MRPL46: variants seen among roughly 807,000 people sequenced by gnomAD.
MRPL46 encodes the protein large ribosomal subunit protein mL46.
Under a neutral mutation model 31.0 loss-of-function variants are expected in MRPL46, and 26 were observed. The observed-to-expected ratio is 0.84, with a 90% CI of 0.61 to 1.16. The LOEUF (loss-of-function observed/expected upper bound fraction) is 1.16, where lower values mean the gene tolerates loss of function less well. Ranked by LOEUF, MRPL46 falls within the 50% of genes most tolerant of loss-of-function variation. MRPL46 has a pLI of 0.00. For synonymous variants in MRPL46, 159 were observed against 141.3 expected, an observed-to-expected ratio of 1.13 and a Z score of -0.89; for missense variants, 395 against 340.0, an observed-to-expected ratio of 1.16 and a Z score of -1.27.
intron 3 of MRPL46, chr15:88,462,864 T>G (rs894137785): frequency 6.6e-6 from 1 of 152,262 alleles, no homozygotes; most frequent in Non-Finnish European, 1.5e-5. Context: ...GTCAATACAC[T>G]ATTTTATATG....
At chr15:88,465,435 A>C (rs887337275) in intron 2 of MRPL46, 152 bp downstream of exon 2, 2 of 774,970 alleles carry the variant, frequency 2.6e-6, no homozygotes, top group Middle Eastern at 2.7e-4. Context: ...CAGACTTTTT[A>C]AGTCGTATTA....
intron 2 of MRPL46, chr15:88,465,146 C>A: frequency 2.3e-6 from 1 of 431,094 alleles, no homozygotes; most frequent in Non-Finnish European, 4.0e-6. Context: ...AATGATCATA[C>A]TAATTCAAAC....
At chr15:88,465,120 T>C in intron 2 of MRPL46, 1 of 438,782 alleles carries the variant, frequency 2.3e-6, no homozygotes, top group Non-Finnish European at 4.0e-6. Context: ...ATATTTTGAG[T>C]CTTCAAAAAA....
intron 3 of MRPL46, chr15:88,461,413 A>G (rs920700432): frequency 4.6e-5 from 7 of 152,164 alleles, no homozygotes; most frequent in African/African-American, 7.2e-5. Flanking sequence ...ATGAGGAAAA[A>G]AAACAACAAA....
intron 2 of MRPL46, chr15:88,465,254 C>T: frequency 2.4e-6 from 1 of 420,344 alleles, no homozygotes; most frequent in East Asian, 3.5e-5. Context: ...AAACAGAACT[C>T]AATCTCCCGC....
chr15:88,467,170 T>C lies in MRPL46; in HGVS notation c.208A>G (p.Met70Val), dbSNP rs1168411193. Reference sequence around the variant, plus strand: ...CCCACCTGCTGCAGTAGAGACGCCATCTCTTCCTGCAATGGGGTCAACGGC... The same window carrying C: ...CCCACCTGCTGCAGTAGAGACGCCACCTCTTCCTGCAATGGGGTCAACGGC... Reference protein sequence around the residue: ...SKPLTPLQEEMASLLQQIEIE... With the variant: ...SKPLTPLQEEVASLLQQIEIE... Residue 70 changes from methionine to valine, a missense_variant, in exon 1 of 4, where the codon ATG (methionine) becomes GTG (valine). By Grantham distance (21) the Met-to-Val change is conservative. Coordinates refer to ENST00000312475, the MANE Select transcript of MRPL46 (RefSeq NM_022163.4). 1 of 1,614,014 alleles carries C rather than the reference T, an allele frequency of 6.2e-7. No homozygotes were observed.
Position 88,459,804 on chromosome 15 carries a change from A to G in MRPL46, c.649T>C (p.Phe217Leu). The change falls in exon 4 of 4, where the codon TTC becomes CTC. Residue 217 changes from phenylalanine to leucine, a missense_variant. Transcript: ENST00000312475. ...CTCTCTGTCCGCATTGCCTGGGGGA[A>G]CTTGAATGTGTAGTGCCCACAGGGT... ...NAPCGHYTFK[F>L]PQAMRTESNL... 6.2e-7 allele frequency: 1 copy of G among 1,614,210 alleles called. No individual in the cohort carries two copies. Among genetic ancestry groups the G allele is most frequent in the Non-Finnish European group, 8.5e-7 (1 of 1,180,040 alleles).
chr15:88,466,541 T>C (rs568782145), intron 1 of MRPL46, among the ~76,000 whole-genome samples: 3 of 152,276 alleles, frequency 2.0e-5, no homozygotes, highest in African/African-American at 7.2e-5. Flanking sequence ...GTAGGTTGAG[T>C]AACAAATATT....
At chr15:88,465,467 A>G in intron 2 of MRPL46, 120 bp downstream of exon 2, 2 of 1,111,260 alleles carry the variant, frequency 1.8e-6, no homozygotes, top group Admixed American at 6.0e-5. Context: ...AGCAACAAAG[A>G]AAAGAATATG....
chr15:88,461,219 A>G (rs1393250299), intron 3 of MRPL46: 3 of 152,250 alleles, frequency 2.0e-5, no homozygotes, highest in Non-Finnish European at 2.9e-5. Flanking sequence ...AGTCAAAGAC[A>G]AAATGACAAA....
rs148181075 is a variant in MRPL46, at chr15:88,465,263, G to A, written c.415+324C>T. The A allele has an allele frequency of 2.5e-3, 1,075 of 422,136 alleles. 3 individuals carry two copies. Among genetic ancestry groups the A allele is most frequent in the Non-Finnish European group, 3.5e-3 (842 of 241,424 alleles). The allele number at this position is 422,136 out of a possible 1,614,324, so 26.1% of individuals were successfully genotyped here. On this transcript the variant is annotated intron_variant, in intron 2 of 3. Transcript: ENST00000312475. Reference sequence around the variant, plus strand: ...CAAGGAAAACAGAACTCAATCTCCCGCTTTAAGAGGGATTTCACATAAAAC... The same window carrying A: ...CAAGGAAAACAGAACTCAATCTCCCACTTTAAGAGGGATTTCACATAAAAC...
intron 3 of MRPL46, chr15:88,461,880 T>C (rs1159197161): frequency 6.6e-6 from 1 of 152,200 alleles, no homozygotes; most frequent in African/African-American, 2.4e-5. Context: ...TAAAAAAAGC[T>C]TAAGATAGGT....
intron 3 of MRPL46, chr15:88,460,397 A>G (rs1401890217): frequency 6.4e-6 from 1 of 156,132 alleles, no homozygotes; most frequent in Non-Finnish European, 1.4e-5. Context: ...AAAGCATTAA[A>G]AAGGACCCCA....
At chr15:88,461,628 A>C (rs2055478219) in intron 3 of MRPL46, 2 of 152,250 alleles carry the variant, frequency 1.3e-5, no homozygotes, top group South Asian at 4.1e-4. Flanking sequence ...GTACTTTCAC[A>C]CATATTTTGG....
rs570537684 is a variant in MRPL46 at position 88,467,289 on chromosome 15, C to A, written c.89G>T (p.Arg30Leu). Reference protein sequence around the residue: ...ERLWAGSLSSRSLALAAAPSS... With the variant: ...ERLWAGSLSSLSLALAAAPSS... ...GGGTGCGGCTGCAAGAGCCAGGCTG[C>A]GAGAGCTTAGACTGCCGGCCCAGAG... The change falls in exon 1 of 4, where the codon CGC (arginine) becomes CTC (leucine). Residue 30 changes from arginine to leucine, a missense_variant. Coordinates refer to ENST00000312475, the MANE Select transcript of MRPL46 (RefSeq NM_022163.4). 9.9e-6 allele frequency: 16 copies of A among 1,613,126 alleles called. No individual in the cohort carries two copies. The highest frequency in any genetic ancestry group is 4.0e-5 in the African/African-American group (3 of 75,024).
At position 88,465,595 on chromosome 15, in the gene MRPL46, C is replaced by A. The variant is rs755678536; in HGVS notation, c.407G>T (p.Arg136Leu). 1.2e-6 allele frequency: 2 copies of A among 1,602,040 alleles called. No homozygotes were observed. The highest frequency in any genetic ancestry group is 1.1e-5 in the South Asian group (1 of 88,848). Reference sequence around the variant, plus strand: ...CCTAAAAGGATCACAACCTGTTATGCGAGCTCCAAGTTTGAACTGTAGAAA... The same window carrying A: ...CCTAAAAGGATCACAACCTGTTATGAGAGCTCCAAGTTTGAACTGTAGAAA... ...QKFLQFKLGA[R>L]ITEADEKNDR... Residue 136 changes from arginine (R) to leucine (L), a missense_variant, in exon 2 of 4, where the codon CGC (arginine) becomes CTC (leucine). Transcript: ENST00000312475.
chr15:88,466,475 G>A (rs773624699), intron 1 of MRPL46, among the ~76,000 whole-genome samples: 1 of 152,180 alleles, frequency 6.6e-6, no homozygotes, highest in Non-Finnish European at 1.5e-5. Context: ...ATTCATTACA[G>A]CATCTCTATC....
chr15:88,459,551 C>A lies in MRPL46; in HGVS notation c.*62G>T. The A allele has an allele frequency of 1.9e-6, 3 of 1,598,604 alleles. No individual in the cohort carries two copies. The South Asian group carries it at 3.4e-5, about 18-fold the overall frequency. On this transcript the variant is annotated 3_prime_UTR_variant, in exon 4 of 4. Transcript: ENST00000312475. ...TACCTGCAAATGTGAGGCAATCACA[C>A]AATGTCCTTGAGGCTCTAATCCCAG...
At chr15:88,465,902 G>A in intron 1 of MRPL46, 129 bp from the exon 2 acceptor site, 1 of 835,894 alleles carries the variant, frequency 1.2e-6, no homozygotes, top group South Asian at 2.2e-5. Flanking sequence ...AACATAACCA[G>A]ATACACAGTC....
Sources: allele counts gnomAD v4.1 joint callset (sites outside exome capture counted in the v4.1 genomes callset), GRCh38; gene constraint gnomAD v4.1.1; transcripts MANE v1.5; gene names NCBI Gene and HGNC (gene_info 2026-07-23, HGNC 2026-07-21).